RIC1: variants seen among roughly 807,000 people sequenced by gnomAD.
RIC1 encodes guanine nucleotide exchange factor subunit RIC1.
A neutral mutation model predicts 169.0 loss-of-function variants in RIC1; 88 were observed. That is an observed-to-expected ratio of 0.52 (90% CI 0.44 to 0.62). The LOEUF is 0.62. Among genes scored for constraint, RIC1 ranks in the 20% least tolerant of loss-of-function variants. The probability of loss-of-function intolerance (pLI) is 0.00; values close to 1 mark genes in which losing one functional copy is unlikely to be tolerated. For missense variants in RIC1, 1,877 were observed against 1,725.5 expected (o/e 1.09, Z -1.56); for synonymous variants, 790 against 601.5 (o/e 1.31, Z -4.59).
chr9:5,629,132 T>C lies in RIC1; in HGVS notation c.-178T>C. The C allele has an allele frequency of 2.3e-6, 1 of 437,618 alleles. No homozygotes were observed. Among genetic ancestry groups the C allele is most frequent in the Non-Finnish European group, 3.7e-6 (1 of 272,998 alleles). The allele number at this position is 437,618 out of a possible 1,614,324, so 27.1% of individuals were successfully genotyped here. A position where few individuals can be genotyped will look rare whatever the true frequency, so the allele number is the denominator to read the frequency against. On this transcript the variant is annotated 5_prime_UTR_variant, in exon 1 of 26. Transcript: ENST00000414202. Reference sequence around the variant, plus strand: ...ACACTCGGCCCCGTCAGCTTGGGGGTGCCTTCGTCGCGCAGCCTTGCGTCG... The same window carrying C: ...ACACTCGGCCCCGTCAGCTTGGGGGCGCCTTCGTCGCGCAGCCTTGCGTCG...
intron 11 of RIC1, among the ~76,000 whole-genome samples, chr9:5,747,027 T>G (rs1392355441): frequency 2.0e-5 from 3 of 152,190 alleles, no homozygotes; most frequent in Non-Finnish European, 4.4e-5. Context: ...GGTGCTACTT[T>G]GTCTGATTTC....
chr9:5,677,936 G>C (rs1820553897), intron 2 of RIC1, among the ~76,000 whole-genome samples: 1 of 151,912 alleles, frequency 6.6e-6, no homozygotes, highest in Non-Finnish European at 1.5e-5. Context: ...TGCCATGTTA[G>C]TGTGATGCAC....
At chr9:5,668,699 G>A (rs1213259712) in intron 2 of RIC1, among the ~76,000 whole-genome samples, 2 of 151,952 alleles carry the variant, frequency 1.3e-5, no homozygotes, top group Middle Eastern at 3.2e-3. Flanking sequence ...TTTAGTTACT[G>A]TACTTTTTAT....
intron 2 of RIC1, among the ~76,000 whole-genome samples, chr9:5,687,010 T>C (rs1207102820): frequency 2.0e-5 from 3 of 152,214 alleles, no homozygotes; most frequent in Admixed American, 2.0e-4. Context: ...GAATTGGAAT[T>C]ATAATTTCTT....
chr9:5,676,924 C>T (rs748902122), intron 2 of RIC1, among the ~76,000 whole-genome samples: 3 of 152,200 alleles, frequency 2.0e-5, no homozygotes, highest in Non-Finnish European at 4.4e-5. Context: ...ATCCATTCAT[C>T]TGTTGATGGA....
At chr9:5,677,066 T>C (rs1285950102) in intron 2 of RIC1, among the ~76,000 whole-genome samples, 2 of 152,236 alleles carry the variant, frequency 1.3e-5, no homozygotes, top group African/African-American at 2.4e-5. Context: ...CTACATTATA[T>C]GGTAGAAGTA....
intron 11 of RIC1, 85 bp downstream of exon 11, chr9:5,746,168 C>T (rs1825366710): frequency 4.2e-6 from 4 of 959,552 alleles, no homozygotes; most frequent in Admixed American, 2.6e-5. Flanking sequence ...ATGGCGTATA[C>T]TTCTAAAATT....
At chr9:5,727,142 A>G (rs1011715343) in intron 6 of RIC1, among the ~76,000 whole-genome samples, 7 of 152,214 alleles carry the variant, frequency 4.6e-5, no homozygotes, top group South Asian at 2.1e-4. Context: ...AACATCCTGC[A>G]GAGTGTTTTC....
chr9:5,773,835 T>C (rs1827400509), intron 25 of RIC1, 123 bp from the exon 26 acceptor site: 1 of 909,924 alleles, frequency 1.1e-6, no homozygotes, highest in East Asian at 2.6e-5. Flanking sequence ...CTTTGCCTCC[T>C]CTCTCCCCTC....
intron 6 of RIC1, among the ~76,000 whole-genome samples, chr9:5,721,684 G>GGC (rs1823599155): frequency 6.6e-6 from 1 of 152,092 alleles, no homozygotes; most frequent in Non-Finnish European, 1.5e-5. Flanking sequence ...GGGGACCCTT[G>GGC]GCCAACTCCT....
chr9:5,690,016 C>T lies in RIC1; in HGVS notation c.310C>T (p.Leu104Phe). The T allele has an allele frequency of 6.3e-7, 1 of 1,599,716 alleles. No individual in the cohort carries two copies. Residue 104 changes from leucine (L) to phenylalanine (F), a missense_variant, in exon 3 of 26, where the codon CTT becomes TTT. Physicochemically the swap from Leu to Phe is conservative, Grantham distance 22 (BLOSUM62 0). Transcript: ENST00000414202. The stretch of plus-strand genomic sequence containing the variant: ...TACATCTACAAGAGGGGACAAGTAC[C>T]TTTATGAACCAGTGTATCCCAAGTA... ...HITSTRGDKY[L>F]YEPVYPKGSP...
chr9:5,767,531 C>T (rs1028962326), intron 21 of RIC1, among the ~76,000 whole-genome samples: 2 of 151,188 alleles, frequency 1.3e-5, no homozygotes, highest in East Asian at 3.9e-4. Context: ...ATTCTTACTA[C>T]CGTGCTTGGG....
At chr9:5,649,965 CTG>C (rs2130391213) in intron 1 of RIC1, among the ~76,000 whole-genome samples, 1 of 152,186 alleles carries the variant, frequency 6.6e-6, no homozygotes, top group East Asian at 1.9e-4. Flanking sequence ...TTAGTGGTGT[CTG>C]TGATTTCCTC....
chr9:5,656,844 A>G (rs746910942), intron 2 of RIC1, among the ~76,000 whole-genome samples, 154 bp downstream of exon 2: 9 of 152,124 alleles, frequency 5.9e-5, no homozygotes, highest in Non-Finnish European at 8.8e-5. Context: ...TTCTATGTGG[A>G]TTACTCCTAC....
intron 2 of RIC1, among the ~76,000 whole-genome samples, chr9:5,666,895 C>T (rs1275979447): frequency 6.6e-6 from 1 of 152,276 alleles, no homozygotes; most frequent in Admixed American, 6.5e-5. Context: ...TGGAATACAA[C>T]TCTTTATTGT....
In RIC1 at chr9:5,760,347, G is replaced by A. The variant is rs537389602; in HGVS notation, c.1993-2194G>A. 1.6e-3 allele frequency among the ~76,000 whole-genome samples: 238 copies of A among 152,238 alleles called. 1 individual carries two copies. The highest frequency in any genetic ancestry group is 6.5e-3 in the Admixed American group (100 of 15,290). On this transcript the variant is annotated intron_variant, in intron 17 of 25. Transcript: ENST00000414202. ...GAGTGCTGTTGCAGTCATCTTTAAC[G>A]TTATCAGAAAGTGTTGAATACTAAG...
At chr9:5,653,788 G>C (rs1818937553) in intron 1 of RIC1, among the ~76,000 whole-genome samples, 1 of 151,780 alleles carries the variant, frequency 6.6e-6, no homozygotes, top group African/African-American at 2.4e-5. Context: ...AGTAGAGATG[G>C]GGTTTCACTG....
Position 5,720,698 on chromosome 9 carries a change from A to G in RIC1, c.668A>G (p.Asn223Ser), listed in dbSNP as rs747338191. ...CTTGATGGGTTTGCTGTTGTATTTA[A>G]TGATGGTAAAGTTGGATTTATTACA... ...ATLDGFAVVF[N>S]DGKVGFITPV... The change falls in exon 6 of 26, where the codon AAT (asparagine) becomes AGT (serine). Residue 223 changes from asparagine (N) to serine (S), a missense_variant. Physicochemically the swap from Asn to Ser is conservative, Grantham distance 46. Coordinates refer to ENST00000414202, the MANE Select transcript of RIC1 (RefSeq NM_020829.4). 1.3e-4 allele frequency: 209 copies of G among 1,612,524 alleles called. No individual in the cohort carries two copies. The highest frequency in any genetic ancestry group is 1.7e-4 in the Non-Finnish European group (204 of 1,179,236).
intron 7 of RIC1, among the ~76,000 whole-genome samples, 194 bp downstream of exon 7, chr9:5,732,673 G>T (rs1386168466): frequency 1.3e-5 from 2 of 152,186 alleles, no homozygotes; most frequent in African/African-American, 2.4e-5. Context: ...GCAGATTTTG[G>T]AGGTTGAGCA....
Sources: allele counts gnomAD v4.1 joint callset (sites outside exome capture counted in the v4.1 genomes callset), GRCh38; gene constraint gnomAD v4.1.1; transcripts MANE v1.5; gene names NCBI Gene and HGNC (gene_info 2026-07-23, HGNC 2026-07-21).